The following HNRNPDL variants were observed in gnomAD, a reference collection of about 807,000 sequenced individuals.
HNRNPDL encodes the protein heterogeneous nuclear ribonucleoprotein D-like.
A neutral mutation model predicts 48.0 loss-of-function variants in HNRNPDL; 18 were observed. The ratio of observed to expected loss-of-function variants is 0.38; its 90% CI spans 0.26 to 0.56. HNRNPDL has a LOEUF of 0.56. HNRNPDL is among the 20% of genes least tolerant of loss of function. HNRNPDL has a pLI of 0.77. For synonymous variants in HNRNPDL, 306 were observed against 207.3 expected, an observed-to-expected ratio of 1.48 and a Z score of -4.09; for missense variants, 553 against 540.7, an observed-to-expected ratio of 1.02 and a Z score of -0.23.
At chr4:82,427,395 T>C in intron 4 of HNRNPDL, 38 bp downstream of exon 4, 1 of 1,541,570 alleles carries the variant, frequency 6.5e-7, no homozygotes, top group South Asian at 1.2e-5. Context: ...TTATTTCAAT[T>C]ATTTAAATTT....
chr4:82,424,713 C>T lies in HNRNPDL; in HGVS notation c.*193G>A, dbSNP rs113289789. Reference sequence around the variant, plus strand: ...AACAAATCCACATTGAGTCATAACACAGATAGCAAAGGACAAAGTAAAAAC... The same window carrying T: ...AACAAATCCACATTGAGTCATAACATAGATAGCAAAGGACAAAGTAAAAAC... On this transcript the variant is annotated 3_prime_UTR_variant, in exon 8 of 8. Coordinates refer to ENST00000295470, the MANE Select transcript of HNRNPDL (RefSeq NM_031372.4). The T allele has an allele frequency of 2.0e-5, 3 of 152,586 alleles. No homozygotes were observed. The highest frequency in any genetic ancestry group is 2.9e-5 in the Non-Finnish European group (2 of 68,030). 9.5% of individuals were successfully genotyped at this position (152,586 alleles called of 1,614,324 possible).
At position 82,429,656 on chromosome 4, in the gene HNRNPDL, G is replaced by A. The variant is rs1362920184; in HGVS notation, c.35C>T (p.Pro12Leu). 2 of 1,366,628 alleles carry A rather than the reference G, an allele frequency of 1.5e-6. No homozygotes were observed. Among genetic ancestry groups the A allele is most frequent in the Non-Finnish European group, 1.9e-6 (2 of 1,060,914 alleles). 84.7% of individuals were successfully genotyped at this position (1,366,628 alleles called of 1,614,324 possible). A position where few individuals can be genotyped will look rare whatever the true frequency, so the allele number is the denominator to read the frequency against. ...AGCGGGAGCGGAGGGGAACAATGGCGGCGGCACATGGGAAAGCCTGGGCGG... is the reference window on the plus strand; with the variant it reads ...AGCGGGAGCGGAGGGGAACAATGGCAGCGGCACATGGGAAAGCCTGGGCGG... ...EVPPRLSHVPPPLFPSAPATL... is the reference protein window; with the variant it reads ...EVPPRLSHVPLPLFPSAPATL... Residue 12 changes from proline (P) to leucine (L), a missense_variant, in exon 1 of 8, where the codon CCG becomes CTG. Physicochemically the swap from Pro to Leu is moderately conservative, Grantham distance 98 (BLOSUM62 -3). This residue lies in a region of HNRNPDL where 327 missense variants were observed against 203.2 expected (regional missense o/e 1.61). Coordinates refer to ENST00000295470, the MANE Select transcript of HNRNPDL (RefSeq NM_031372.4).
chr4:82,426,700 G>T, intron 5 of HNRNPDL, 67 bp from the exon 6 acceptor site: 1 of 1,298,918 alleles, frequency 7.7e-7, no homozygotes, highest in Non-Finnish European at 1.1e-6. Flanking sequence ...AAAATGATGC[G>T]TTCTTGTCTC....
chr4:82,427,639 T>C (rs1721472376), intron 3 of HNRNPDL, 75 bp from the exon 4 acceptor site: 3 of 1,393,402 alleles, frequency 2.2e-6, no homozygotes, highest in Non-Finnish European at 3.0e-6. Flanking sequence ...AAAGGCCTTT[T>C]CAGGCTTCAA....
Position 82,429,927 on chromosome 4 carries a change from T to G in HNRNPDL, c.-237A>C. 1 of 337,394 alleles carries G rather than the reference T, an allele frequency of 3.0e-6. No individual in the cohort carries two copies. 20.9% of individuals were successfully genotyped at this position (337,394 alleles called of 1,614,324 possible). The stretch of plus-strand genomic sequence containing the variant: ...CCTTTTTCTGCCCTCGGTTCGCCAG[T>G]GCGGAGCCGCTGCGGCGGCCGCTGC... On this transcript the variant is annotated 5_prime_UTR_variant, in exon 1 of 8. Transcript: ENST00000295470.
rs763768578 is a variant in HNRNPDL at position 82,428,459 on chromosome 4, G to T, written c.444-13C>A. The T allele has an allele frequency of 1.3e-6, 2 of 1,568,088 alleles. No individual in the cohort carries two copies. The highest frequency in any genetic ancestry group is 1.7e-6 in the Non-Finnish European group (2 of 1,152,880). On this transcript the variant is annotated splice_polypyrimidine_tract_variant and intron_variant, in intron 1 of 7. Transcript: ENST00000295470. ...AATAAACATTTTACTAGAAATAAAA[G>T]TGTTTTTAAAAAAAATTAACAATAA...
Position 82,428,273 on chromosome 4 carries a change from C to G in HNRNPDL, c.612+5G>C. ...AAGCAGCACAATGCAAAACATAGTT[C>G]CTACCTTATCAACACTAGCAGCATC... On this transcript the variant is annotated splice_donor_5th_base_variant and intron_variant, in intron 2 of 7. Transcript: ENST00000295470. 1 of 1,611,878 alleles carries G rather than the reference C, an allele frequency of 6.2e-7. No homozygotes were observed. Among genetic ancestry groups the G allele is most frequent in the Non-Finnish European group, 8.5e-7 (1 of 1,178,330 alleles).
At position 82,429,587 on chromosome 4, in the gene HNRNPDL, G is replaced by A. The variant is rs997258342; in HGVS notation, c.104C>T (p.Pro35Leu). 4 of 1,379,584 alleles carry A rather than the reference G, an allele frequency of 2.9e-6. No individual in the cohort carries two copies. The highest frequency in any genetic ancestry group is 3.1e-5 in the African/African-American group (2 of 64,270). The allele number at this position is 1,379,584 out of a possible 1,614,324, so 85.5% of individuals were successfully genotyped here. Residue 35 changes from proline (P) to leucine (L), a missense_variant, in exon 1 of 8, where the codon CCG (proline) becomes CTG (leucine). Pro to Leu is a moderately conservative substitution (Grantham distance 98, BLOSUM62 -3). This residue lies in a region of HNRNPDL where 327 missense variants were observed against 203.2 expected (regional missense o/e 1.61). Coordinates refer to ENST00000295470, the MANE Select transcript of HNRNPDL (RefSeq NM_031372.4). ...AGGGAGGAGCGGGGCTAGCTGCCGC[G>A]GCGGCCGCGGCCGCCAATGGGAGAG... is the stretch of plus-strand genomic sequence containing the variant. ...RSLSHWRPRP[P>L]RQLAPLLPSL...
Position 82,428,275 on chromosome 4 carries a change from T to C in HNRNPDL, c.612+3A>G. 3.1e-6 allele frequency: 5 copies of C among 1,612,002 alleles called. No individual in the cohort carries two copies. Among genetic ancestry groups the C allele is most frequent in the Non-Finnish European group, 4.2e-6 (5 of 1,178,404 alleles). ...GCAGCACAATGCAAAACATAGTTCCTACCTTATCAACACTAGCAGCATCTT... is the reference window on the plus strand; with the variant it reads ...GCAGCACAATGCAAAACATAGTTCCCACCTTATCAACACTAGCAGCATCTT... On this transcript the variant is annotated splice_donor_region_variant and intron_variant, in intron 2 of 7. Transcript: ENST00000295470.
chr4:82,428,578 T>A, intron 1 of HNRNPDL, 132 bp from the exon 2 acceptor site: 1 of 735,022 alleles, frequency 1.4e-6, no homozygotes, highest in Non-Finnish European at 2.2e-6. Flanking sequence ...TGTTTACATT[T>A]AATCTATGTC....
At position 82,424,414 on chromosome 4, in the gene HNRNPDL, G is replaced by C. The variant is rs1308283944; in HGVS notation, c.*492C>G. The C allele has an allele frequency of 6.6e-6, 1 of 152,576 alleles. No homozygotes were observed. Among genetic ancestry groups the C allele is most frequent in the Non-Finnish European group, 1.5e-5 (1 of 68,026 alleles). 9.5% of individuals were successfully genotyped at this position (152,576 alleles called of 1,614,324 possible). A position where few individuals can be genotyped will look rare whatever the true frequency, so the allele number is the denominator to read the frequency against. On this transcript the variant is annotated 3_prime_UTR_variant, in exon 8 of 8. Transcript: ENST00000295470. ...GGGAAAGAACATTGTTCAAAGGTGTGGTAGAAATCTCAGTTACAGGGAGAA... is the reference window on the plus strand; with the variant it reads ...GGGAAAGAACATTGTTCAAAGGTGTCGTAGAAATCTCAGTTACAGGGAGAA...
In HNRNPDL at chr4:82,424,475, T is replaced by C. The variant is rs1721333201; in HGVS notation, c.*431A>G. The C allele has an allele frequency of 6.6e-6, 1 of 152,570 alleles. No homozygotes were observed. The highest frequency in any genetic ancestry group is 2.4e-5 in the African/African-American group (1 of 41,424). 9.5% of individuals were successfully genotyped at this position (152,570 alleles called of 1,614,324 possible). On this transcript the variant is annotated 3_prime_UTR_variant, in exon 8 of 8. Coordinates refer to ENST00000295470, the MANE Select transcript of HNRNPDL (RefSeq NM_031372.4). ...TAAGAGCATAAAATACACCTACAAA[T>C]TGGAGAAGAGGGTGACGCTGGCTGG... is the stretch of plus-strand genomic sequence containing the variant.
chr4:82,426,328 G>A, intron 6 of HNRNPDL, 135 bp downstream of exon 6: 1 of 885,168 alleles, frequency 1.1e-6, no homozygotes, highest in East Asian at 2.6e-5. Context: ...ATCATCCTAT[G>A]ATTGTAACAT....
chr4:82,428,466 TA>T lies in HNRNPDL; in HGVS notation c.444-21del, dbSNP rs748599917. 2.4e-5 allele frequency: 37 copies of T among 1,548,608 alleles called. No individual in the cohort carries two copies. Among genetic ancestry groups the T allele is most frequent in the South Asian group, 3.5e-5 (3 of 85,480 alleles). Reference sequence around the variant, plus strand: ...ATTTTACTAGAAATAAAAGTGTTTTTAAAAAAAATTAACAATAACTCAAATG... The same window carrying T: ...ATTTTACTAGAAATAAAAGTGTTTTTAAAAAAATTAACAATAACTCAAATG... On this transcript the variant is annotated intron_variant, in intron 1 of 7. Transcript: ENST00000295470.
At chr4:82,428,981 C>A (rs980262079) in intron 1 of HNRNPDL, among the ~76,000 whole-genome samples, 3 of 152,214 alleles carry the variant, frequency 2.0e-5, no homozygotes, top group African/African-American at 7.2e-5. Context: ...CCCCTCCCCC[C>A]CGGGTCCCAC....
intron 7 of HNRNPDL, 79 bp downstream of exon 7, chr4:82,425,958 T>C (rs560853198): frequency 1.3e-3 from 1,293 of 960,728 alleles, no homozygotes; most frequent in Non-Finnish European, 1.8e-3. Context: ...CATAGTATTT[T>C]GTTTTTACGT....
At chr4:82,426,399 G>T in intron 6 of HNRNPDL, 64 bp downstream of exon 6, 2 of 1,411,840 alleles carry the variant, frequency 1.4e-6, no homozygotes, top group South Asian at 1.2e-5. Flanking sequence ...TTTCAGAACA[G>T]GATTGTATGT....
In HNRNPDL at chr4:82,429,488, C is replaced by G; in HGVS notation, c.203G>C (p.Arg68Pro). Reference sequence around the variant, plus strand: ...CTTTATAGCCGCCCCGCCCGCCAATCGGGAGGGCTGCTGGGCGGTGACGTG... The same window carrying G: ...CTTTATAGCCGCCCCGCCCGCCAATGGGGAGGGCTGCTGGGCGGTGACGTG... ...QRHVTAQQPSRLAGGAAIKGG... is the reference protein window; with the variant it reads ...QRHVTAQQPSPLAGGAAIKGG... Residue 68 changes from arginine (R) to proline (P), a missense_variant, in exon 1 of 8, where the codon CGA (arginine) becomes CCA (proline). Physicochemically the swap from Arg to Pro is moderately radical, Grantham distance 103 (BLOSUM62 -2). This residue lies in a region of HNRNPDL where 327 missense variants were observed against 203.2 expected (regional missense o/e 1.61). Transcript: ENST00000295470. 6.4e-7 allele frequency: 1 copy of G among 1,570,332 alleles called. No homozygotes were observed. The highest frequency in any genetic ancestry group is 1.4e-5 in the African/African-American group (1 of 73,344).
Position 82,427,210 on chromosome 4 carries a change from C to A in HNRNPDL, c.1001G>T (p.Gly334Val), listed in dbSNP as rs1553900866. Residue 334 changes from glycine (G) to valine (V), a missense_variant, in exon 5 of 8, where the codon GGT (glycine) becomes GTT (valine). Transcript: ENST00000295470. ...GRGAAAGGRG[G>V]TRGRGRGQGQ... ...CTCACCTCGGCCACGACCCCTCGTACCACCTCGTCCACCAGCTGCAGCACC... is the reference window on the plus strand; with the variant it reads ...CTCACCTCGGCCACGACCCCTCGTAACACCTCGTCCACCAGCTGCAGCACC... 1.2e-6 allele frequency: 2 copies of A among 1,612,760 alleles called. No homozygotes were observed. Among genetic ancestry groups the A allele is most frequent in the Admixed American group, 3.3e-5 (2 of 60,008 alleles).
Sources: gnomAD v4.1 joint callset for allele counts (sites outside exome capture counted in the v4.1 genomes callset) on GRCh38, gnomAD v4.1.1 for gene constraint, gnomAD v4.1.1 regional missense constraint, MANE v1.5 for transcripts, NCBI Gene and HGNC (gene_info 2026-07-23, HGNC 2026-07-21) for gene names.